The following ADAMTS12 variants were observed in gnomAD, a reference collection of about 807,000 sequenced individuals.
The protein encoded by ADAMTS12 is A disintegrin and metalloproteinase with thrombospondin motifs 12.
A neutral mutation model predicts 167.8 loss-of-function variants in ADAMTS12; 118 were observed. The observed-to-expected ratio is 0.70, with a 90% CI of 0.61 to 0.82. The LOEUF is 0.82. Among genes scored for constraint, ADAMTS12 ranks in the 40% least tolerant of loss-of-function variants. The pLI is 0.00. For missense variants in ADAMTS12, 1,916 were observed against 1,998.8 expected, an observed-to-expected ratio of 0.96 and a Z score of 0.79; for synonymous variants, 704 against 716.9, an observed-to-expected ratio of 0.98 and a Z score of 0.29.
chr5:33,579,056 G>T (rs1434079177), intron 18 of ADAMTS12, among the ~76,000 whole-genome samples: 1 of 152,172 alleles, frequency 6.6e-6, no homozygotes, highest in East Asian at 1.9e-4. Flanking sequence ...GTCTCTTCTG[G>T]CATGGTCCAT....
intron 2 of ADAMTS12, among the ~76,000 whole-genome samples, chr5:33,823,804 T>A (rs897673661): frequency 5.9e-5 from 9 of 152,130 alleles, no homozygotes; most frequent in African/African-American, 1.9e-4. Flanking sequence ...CCCTTGAGAT[T>A]CCTTCAATGA....
intron 2 of ADAMTS12, among the ~76,000 whole-genome samples, chr5:33,839,753 C>T (rs981870102): frequency 6.6e-6 from 1 of 152,190 alleles, no homozygotes; most frequent in South Asian, 2.1e-4. Flanking sequence ...AAGGTTGTAT[C>T]GCGTTCTTCA....
chr5:33,565,443 C>G (rs2111907886), intron 19 of ADAMTS12, among the ~76,000 whole-genome samples: 1 of 152,366 alleles, frequency 6.6e-6, no homozygotes, highest in African/African-American at 2.4e-5. Flanking sequence ...TGAGCCACCG[C>G]TCTGGCCTTC....
At chr5:33,839,385 C>A (rs955843575) in intron 2 of ADAMTS12, among the ~76,000 whole-genome samples, 1 of 152,174 alleles carries the variant, frequency 6.6e-6, no homozygotes, top group Non-Finnish European at 1.5e-5. Context: ...GTATTTTAGA[C>A]CTGAATTTTG....
chr5:33,697,769 A>G (rs1177371048), intron 3 of ADAMTS12, among the ~76,000 whole-genome samples: 1 of 152,176 alleles, frequency 6.6e-6, no homozygotes, highest in African/African-American at 2.4e-5. Context: ...TGTTTAGCCA[A>G]CCGGGATTAG....
rs757774956 is a variant in ADAMTS12 at position 33,561,157 on chromosome 5, C to T, written c.3995G>A (p.Gly1332Glu). Residue 1332 changes from glycine (G) to glutamate (E), a missense_variant, in exon 20 of 24, where the codon GGG becomes GAG. Transcript: ENST00000504830. ...GCACTCCACCCTTCTCCAGTAGGCC[C>T]CCAGGCCACATGTGGTGGAGCACTG... ...WSECSTTCGL[G>E]AYWRRVECST... is the part of the protein sequence containing the mutation. 1.2e-6 allele frequency: 2 copies of T among 1,614,014 alleles called. No homozygotes were observed. Among genetic ancestry groups the T allele is most frequent in the Non-Finnish European group, 1.7e-6 (2 of 1,179,978 alleles).
At chr5:33,629,749 A>G (rs1373330598) in intron 13 of ADAMTS12, among the ~76,000 whole-genome samples, 2 of 152,136 alleles carry the variant, frequency 1.3e-5, no homozygotes, top group African/African-American at 4.8e-5. Context: ...CAATTTTGCA[A>G]TTCTCTTCAA....
chr5:33,645,674 A>AT (rs1294857325), intron 9 of ADAMTS12, among the ~76,000 whole-genome samples: 1 of 152,004 alleles, frequency 6.6e-6, no homozygotes, highest in East Asian at 1.9e-4. Context: ...ACTTTGTACT[A>AT]TTTTTTTCAA....
intron 2 of ADAMTS12, among the ~76,000 whole-genome samples, chr5:33,844,416 T>A (rs1300294537): frequency 6.6e-6 from 1 of 152,236 alleles, no homozygotes. Context: ...AATGCGCCCC[T>A]GAGGGTAGGC....
rs146694587 is a variant in ADAMTS12, at chr5:33,847,835, G to A, written c.489+33284C>T. On this transcript the variant is annotated intron_variant, in intron 2 of 23. Transcript: ENST00000504830. ...TAATGGGTGGGCACAGCACCTGTAA[G>A]GTGAATGAGGTAGAAGACTGTATTC... is the stretch of plus-strand genomic sequence containing the variant. Among the ~76,000 whole-genome samples, 161 of 152,232 alleles carry A rather than the reference G, an allele frequency of 1.1e-3. 1 individual carries two copies. The highest frequency in any genetic ancestry group is 1.9e-3 in the Non-Finnish European group (126 of 68,030).
At chr5:33,734,791 A>C (rs931138409) in intron 3 of ADAMTS12, among the ~76,000 whole-genome samples, 1 of 152,190 alleles carries the variant, frequency 6.6e-6, no homozygotes, top group Non-Finnish European at 1.5e-5. Flanking sequence ...AGAAACATCA[A>C]CTGGGGTGTC....
At chr5:33,580,741 T>C (rs143563818) in intron 18 of ADAMTS12, among the ~76,000 whole-genome samples, 2,401 of 152,144 alleles carry the variant, frequency 0.016, 25 homozygotes, top group Middle Eastern at 0.024. Flanking sequence ...AAAACCAAAA[T>C]AGTAGCCAAC....
At chr5:33,577,484 T>C (rs1358248477) in intron 18 of ADAMTS12, among the ~76,000 whole-genome samples, 1 of 152,232 alleles carries the variant, frequency 6.6e-6, no homozygotes, top group East Asian at 1.9e-4. Context: ...AGTTGCTAAA[T>C]CTTTTAAAGA....
chr5:33,724,905 C>T (rs114367409), intron 3 of ADAMTS12, among the ~76,000 whole-genome samples: 4,985 of 152,254 alleles, frequency 0.033, 273 homozygotes, highest in African/African-American at 0.12. Context: ...GTTGAGCCAA[C>T]CAATCCAAAG....
rs924399704 is a variant in ADAMTS12 at position 33,571,152 on chromosome 5, C to T, written c.3972+4902G>A. Among the ~76,000 whole-genome samples, 37 of 152,234 alleles carry T rather than the reference C, an allele frequency of 2.4e-4. 1 individual carries two copies. The highest frequency in any genetic ancestry group is 4.6e-4 in the Admixed American group (7 of 15,286). On this transcript the variant is annotated intron_variant, in intron 19 of 23. Transcript: ENST00000504830. ...ACTCCCACACAATAATAATGGGAGA[C>T]TTTAACACCCCACTGTCAACATTAG...
intron 7 of ADAMTS12, among the ~76,000 whole-genome samples, chr5:33,651,636 GT>G (rs998480604): frequency 1.3e-5 from 2 of 152,076 alleles, no homozygotes; most frequent in African/African-American, 2.4e-5. Flanking sequence ...CACCTTAACA[GT>G]TTTTTTCTAT....
intron 13 of ADAMTS12, among the ~76,000 whole-genome samples, chr5:33,626,274 G>A (rs942304112): frequency 6.6e-6 from 1 of 151,478 alleles, no homozygotes. Context: ...GTAGTGGTGG[G>A]GGTGGTGGTG....
At position 33,534,864 on chromosome 5, in the gene ADAMTS12, T is replaced by G; in HGVS notation, c.4575A>C (p.Lys1525Asn). The G allele has an allele frequency of 6.2e-7, 1 of 1,613,642 alleles. No homozygotes were observed. Among genetic ancestry groups the G allele is most frequent in the African/African-American group, 1.3e-5 (1 of 75,048 alleles). Residue 1525 changes from lysine to asparagine, a missense_variant, in exon 23 of 24, where the codon AAA becomes AAC. Coordinates refer to ENST00000504830, the MANE Select transcript of ADAMTS12 (RefSeq NM_030955.4). ...TTTTCTTGCAGGCCTGCTGGTTGCA[T>G]TTTTTGAATTCTGGAGGTCTGGGTT... is the stretch of plus-strand genomic sequence containing the variant. ...DHKPRPPEFK[K>N]CNQQACKKSA... is the part of the protein sequence containing the mutation.
chr5:33,790,653 C>G (rs893127033), intron 2 of ADAMTS12, among the ~76,000 whole-genome samples: 2 of 150,624 alleles, frequency 1.3e-5, no homozygotes, highest in Non-Finnish European at 3.0e-5. Flanking sequence ...AATTGGTCAA[C>G]AGAGCTAAAG....
Sources: gnomAD v4.1 joint callset for allele counts (sites outside exome capture counted in the v4.1 genomes callset) on GRCh38, gnomAD v4.1.1 for gene constraint, MANE v1.5 for transcripts, NCBI Gene and HGNC (gene_info 2026-07-23, HGNC 2026-07-21) for gene names.